DPP6: variants seen among roughly 807,000 people sequenced by gnomAD.
DPP6 encodes the protein A-type potassium channel modulatory protein DPP6.
Under a neutral mutation model 122.6 loss-of-function variants are expected in DPP6, and 69 were observed. That is an observed-to-expected ratio of 0.56 (90% CI 0.46 to 0.69). The LOEUF is 0.69. Among genes scored for constraint, DPP6 ranks in the 30% least tolerant of loss-of-function variants. The probability of loss-of-function intolerance (pLI) is 0.00; values close to 1 mark genes in which losing one functional copy is unlikely to be tolerated. For missense variants in DPP6, 928 were observed against 1,116.9 expected (o/e 0.83, Z 2.41); for synonymous variants, 418 against 433.1 (o/e 0.97, Z 0.43).
intron 1 of DPP6, among the ~76,000 whole-genome samples, chr7:154,174,981 A>C (rs1797724341): frequency 6.6e-6 from 1 of 151,426 alleles, no homozygotes; most frequent in African/African-American, 2.4e-5. Flanking sequence ...GGTTCAAGCA[A>C]TTCTGCCTCA....
chr7:154,311,353 C>T (rs111337116), intron 1 of DPP6, among the ~76,000 whole-genome samples: 7,579 of 151,878 alleles, frequency 0.05, 593 homozygotes, highest in African/African-American at 0.17. Context: ...ATTATCCAGG[C>T]GTGGTGGTGG....
intron 2 of DPP6, among the ~76,000 whole-genome samples, chr7:154,469,492 C>T (rs1822075745): frequency 1.3e-5 from 2 of 152,196 alleles, no homozygotes; most frequent in African/African-American, 4.8e-5. Flanking sequence ...ATGTTACCAT[C>T]TCAGCTCTGA....
intron 1 of DPP6, among the ~76,000 whole-genome samples, chr7:154,005,985 G>A (rs7802598): frequency 0.78 from 118,616 of 151,842 alleles, 46,343 homozygotes; most frequent in Non-Finnish European, 0.79. Flanking sequence ...GGGGTCAGGC[G>A]GGCTGAAGCT....
the DPP6 span, among the ~76,000 whole-genome samples, chr7:153,765,501 C>T: frequency 6.6e-6 from 1 of 150,746 alleles, no homozygotes; most frequent in Non-Finnish European, 1.5e-5. Context: ...AAGATCATGC[C>T]ACTGCACTCC....
chr7:153,986,548 G>C (rs1385470819), intron 1 of DPP6, among the ~76,000 whole-genome samples: 1 of 152,114 alleles, frequency 6.6e-6, no homozygotes, highest in Non-Finnish European at 1.5e-5. Context: ...CTCATTAGAG[G>C]ATGCATGCAA....
the DPP6 span, among the ~76,000 whole-genome samples, chr7:153,842,053 T>G: frequency 3.9e-5 from 6 of 152,214 alleles, no homozygotes; most frequent in Non-Finnish European, 8.8e-5. Context: ...AAGGAGTTAT[T>G]GTGAAAATGT....
At chr7:154,629,898 T>C (rs181342935) in intron 5 of DPP6, among the ~76,000 whole-genome samples, 13 of 152,346 alleles carry the variant, frequency 8.5e-5, no homozygotes, top group African/African-American at 2.6e-4. Flanking sequence ...CCATTCTTAA[T>C]GGGATTCCGG....
chr7:154,046,762 T>C (rs1489094492), intron 1 of DPP6, among the ~76,000 whole-genome samples: 2 of 152,226 alleles, frequency 1.3e-5, no homozygotes, highest in African/African-American at 4.8e-5. Flanking sequence ...CTTATTTTGT[T>C]ATTTCTGGCC....
the DPP6 span, among the ~76,000 whole-genome samples, chr7:153,790,859 G>A: frequency 0.44 from 67,231 of 152,006 alleles, 15,112 homozygotes; most frequent in South Asian, 0.54. Flanking sequence ...AGGAAATGGC[G>A]GAAGAGTATT....
intron 1 of DPP6, among the ~76,000 whole-genome samples, chr7:154,245,788 G>A (rs1470439969): frequency 6.6e-6 from 1 of 152,152 alleles, no homozygotes; most frequent in African/African-American, 2.4e-5. Context: ...TAGTAGCTGA[G>A]CTTTGAAATA....
chr7:154,759,920 A>G lies in DPP6; in HGVS notation c.884-9497A>G, dbSNP rs142319529. The stretch of plus-strand genomic sequence containing the variant: ...GGGCGGATCACGAGGTCAGGAGTTC[A>G]AGACCATCCAGGCCAATATGGTGAA... On this transcript the variant is annotated intron_variant, in intron 8 of 25. Coordinates refer to ENST00000377770, the MANE Select transcript of DPP6 (RefSeq NM_130797.4). Among the ~76,000 whole-genome samples the G allele has an allele frequency of 5.3e-4, 81 of 152,304 alleles. No homozygotes were observed. In the East Asian group the frequency reaches 0.015, roughly 28 times the overall value.
intron 1 of DPP6, among the ~76,000 whole-genome samples, chr7:154,111,414 C>G (rs1806562686): frequency 6.6e-6 from 1 of 151,986 alleles, no homozygotes; most frequent in African/African-American, 2.4e-5. Flanking sequence ...ATGAGAAAAC[C>G]CAAGTCAAGC....
chr7:154,753,768 G>A (rs1044278141), intron 8 of DPP6, among the ~76,000 whole-genome samples: 1 of 152,156 alleles, frequency 6.6e-6, no homozygotes, highest in Non-Finnish European at 1.5e-5. Context: ...TTGCCCAGCC[G>A]CCTTCCGTCT....
Position 154,044,580 on chromosome 7 carries a change from A to G in DPP6, c.51+156846A>G, listed in dbSNP as rs1342966008. 2.6e-5 allele frequency among the ~76,000 whole-genome samples: 4 copies of G among 152,212 alleles called. No homozygotes were observed. In the South Asian group the frequency reaches 8.3e-4, roughly 32 times the overall value. ...TGGTTCAGAGAATATGTTAAAATTC[A>G]AGAAAAGCTACCGATCTACCTAAAG... On this transcript the variant is annotated intron_variant, in intron 1 of 25. Coordinates refer to the DPP6 transcript ENST00000404039.
At chr7:153,925,116 T>C (rs1464002899) in intron 1 of DPP6, among the ~76,000 whole-genome samples, 2 of 152,154 alleles carry the variant, frequency 1.3e-5, no homozygotes, top group Non-Finnish European at 2.9e-5. Flanking sequence ...AGGAGCCCAT[T>C]AACCACAAGC....
rs1053193530 is a variant in DPP6 at position 154,296,879 on chromosome 7, G to T, written c.244-149335G>T. 6.6e-5 allele frequency among the ~76,000 whole-genome samples: 10 copies of T among 152,302 alleles called. No homozygotes were observed. In the East Asian group the frequency reaches 1.9e-3, roughly 29 times the overall value. ...TTGATGAAACTTGCTGTGGCATTTG[G>T]AGAGGATGCAGCTAGGGTTCACACA... On this transcript the variant is annotated intron_variant, in intron 1 of 25. Coordinates refer to ENST00000377770, the MANE Select transcript of DPP6 (RefSeq NM_130797.4).
At chr7:154,818,573 A>ATGTG (rs772676053) in intron 16 of DPP6, among the ~76,000 whole-genome samples, 11 of 152,232 alleles carry the variant, frequency 7.2e-5, no homozygotes, top group Admixed American at 1.3e-4. Context: ...AGCCTCAAAC[A>ATGTG]TGTAGGGTGC....
At chr7:153,849,275 CTTTTTTT>C in the DPP6 span, among the ~76,000 whole-genome samples, 1 of 146,724 alleles carries the variant, frequency 6.8e-6, no homozygotes, top group Non-Finnish European at 1.5e-5. Context: ...TATATGTTTT[CTTTTTTT>C]TTTTTTGAAT....
At chr7:154,511,781 G>C (rs925161946) in intron 3 of DPP6, among the ~76,000 whole-genome samples, 2 of 150,058 alleles carry the variant, frequency 1.3e-5, no homozygotes, top group Non-Finnish European at 2.9e-5. Flanking sequence ...AATCAATTAT[G>C]ATCTTACCAT....
Sources: allele counts gnomAD v4.1 joint callset (sites outside exome capture counted in the v4.1 genomes callset), GRCh38; gene constraint gnomAD v4.1.1; transcripts MANE v1.5; gene names NCBI Gene and HGNC (gene_info 2026-07-23, HGNC 2026-07-21).